Variants in MARCHF1 observed in about 807,000 individuals in gnomAD.
MARCHF1 encodes the protein membrane associated ring-CH-type finger 1.
Under a neutral mutation model 54.2 loss-of-function variants are expected in MARCHF1, and 40 were observed. The ratio of observed to expected loss-of-function variants is 0.74; its 90% confidence interval spans 0.57 to 0.96. MARCHF1 has a LOEUF of 0.96. Ranked by LOEUF, MARCHF1 falls within the 40% of genes least tolerant of loss-of-function variation. The pLI, the probability that MARCHF1 is intolerant of heterozygous loss-of-function variation, is 0.00. For synonymous variants in MARCHF1, 236 were observed against 236.3 expected (o/e 1.00, Z 0.01); for missense variants, 586 against 656.5 (o/e 0.89, Z 1.17).
At chr4:164,318,843 T>C (rs923667383) in intron 1 of MARCHF1, among the ~76,000 whole-genome samples, 1 of 152,212 alleles carries the variant, frequency 6.6e-6, no homozygotes, top group Admixed American at 6.5e-5. Flanking sequence ...AAATTGAATT[T>C]AATATGAGAA....
At chr4:163,924,246 T>A (rs1751492234) in intron 3 of MARCHF1, among the ~76,000 whole-genome samples, 1 of 152,056 alleles carries the variant, frequency 6.6e-6, no homozygotes, top group Non-Finnish European at 1.5e-5. Context: ...AGATCCTCTT[T>A]TAGAAAGTAA....
At chr4:164,087,543 C>T (rs367793177) in intron 2 of MARCHF1, among the ~76,000 whole-genome samples, 5 of 151,992 alleles carry the variant, frequency 3.3e-5, no homozygotes, top group Admixed American at 6.6e-5. Flanking sequence ...GAGTAGCCAT[C>T]GGTTAGGTTT....
At chr4:163,929,958 TATATAA>T (rs1320991201) in intron 3 of MARCHF1, among the ~76,000 whole-genome samples, 12,078 of 62,632 alleles carry the variant, frequency 0.19, 1,459 homozygotes, top group African/African-American at 0.4. Context: ...ATATATATTA[TATATAA>T]TATATATAAT....
At chr4:164,066,906 A>G (rs955223173) in intron 2 of MARCHF1, among the ~76,000 whole-genome samples, 1 of 152,156 alleles carries the variant, frequency 6.6e-6, no homozygotes, top group Non-Finnish European at 1.5e-5. Flanking sequence ...ATCAGGAAAA[A>G]CAACTAATGG....
intron 4 of MARCHF1, among the ~76,000 whole-genome samples, chr4:163,756,444 C>T (rs371705961): frequency 4.1e-4 from 62 of 151,374 alleles, no homozygotes; most frequent in Admixed American, 1.6e-3. Flanking sequence ...CTGGCCAACA[C>T]GGTGAAACCC....
At chr4:163,747,002 A>T (rs1746382406) in intron 4 of MARCHF1, among the ~76,000 whole-genome samples, 1 of 152,206 alleles carries the variant, frequency 6.6e-6, no homozygotes, top group Non-Finnish European at 1.5e-5. Flanking sequence ...CTTGATCAGC[A>T]GTTTCTAGTA....
rs564989404 is a variant in MARCHF1, at chr4:164,325,990, T to C, written c.-323+57880A>G. On this transcript the variant is annotated intron_variant, in intron 1 of 9. Transcript: ENST00000514618. ...GCTGCAGTTCACTATTGTACATTTT[T>C]ATGTCGATTCCAAAACTTTCAATTT... Among the ~76,000 whole-genome samples, 23 of 152,326 alleles carry C rather than the reference T, an allele frequency of 1.5e-4. No individual in the cohort carries two copies. In the South Asian group the frequency reaches 4.1e-3, roughly 27 times the overall value.
Position 163,888,042 on chromosome 4 carries a change from G to T in MARCHF1, c.-38-33873C>A, listed in dbSNP as rs557571028. 2.6e-5 allele frequency among the ~76,000 whole-genome samples: 4 copies of T among 152,282 alleles called. No homozygotes were observed. The South Asian group carries it at 8.3e-4, about 32-fold the overall frequency. ...GATGTTACAAAAGGACTATAGGAAAGTACTGACTTAAAAATTGTGAAAATA... is the reference window on the plus strand; with the variant it reads ...GATGTTACAAAAGGACTATAGGAAATTACTGACTTAAAAATTGTGAAAATA... On this transcript the variant is annotated intron_variant, in intron 3 of 9. Coordinates refer to ENST00000514618, the MANE Select transcript of MARCHF1 (RefSeq NM_001394959.1).
intron 4 of MARCHF1, among the ~76,000 whole-genome samples, chr4:163,732,145 T>C (rs1039548297): frequency 1.3e-5 from 2 of 151,652 alleles, no homozygotes; most frequent in African/African-American, 4.8e-5. Context: ...ATAGAATTAA[T>C]ATATGATTAG....
intron 1 of MARCHF1, among the ~76,000 whole-genome samples, chr4:164,237,553 A>G (rs954530345): frequency 1.3e-5 from 2 of 152,130 alleles, no homozygotes; most frequent in Admixed American, 1.3e-4. Context: ...GCACATATGC[A>G]CACACACAAG....
chr4:163,833,465 T>C (rs1749089073), intron 4 of MARCHF1, among the ~76,000 whole-genome samples: 1 of 151,970 alleles, frequency 6.6e-6, no homozygotes, highest in Non-Finnish European at 1.5e-5. Flanking sequence ...TGCAACCTAC[T>C]CATCTGACAA....
intron 2 of MARCHF1, among the ~76,000 whole-genome samples, chr4:164,031,480 C>A (rs1309850071): frequency 6.6e-6 from 1 of 151,316 alleles, no homozygotes; most frequent in Non-Finnish European, 1.5e-5. Flanking sequence ...TCATAAATAG[C>A]TCTTATTATT....
At chr4:163,906,186 C>G (rs1341662631) in intron 3 of MARCHF1, among the ~76,000 whole-genome samples, 2 of 152,004 alleles carry the variant, frequency 1.3e-5, no homozygotes, top group African/African-American at 4.8e-5. Flanking sequence ...GTTCCCTCCT[C>G]CACAGGAGGA....
At chr4:163,844,180 G>A (rs1346562936) in intron 4 of MARCHF1, among the ~76,000 whole-genome samples, 1 of 152,042 alleles carries the variant, frequency 6.6e-6, no homozygotes, top group Non-Finnish European at 1.5e-5. Flanking sequence ...ATACGTCCCT[G>A]TGTTCTCATC....
chr4:163,997,663 A>G (rs1409491233), intron 2 of MARCHF1, among the ~76,000 whole-genome samples: 1 of 152,006 alleles, frequency 6.6e-6, no homozygotes, highest in Non-Finnish European at 1.5e-5. Context: ...TTCCTTATAT[A>G]GAGAAACCTT....
intron 4 of MARCHF1, among the ~76,000 whole-genome samples, chr4:163,747,319 T>C (rs1197482988): frequency 5.9e-5 from 9 of 152,226 alleles, no homozygotes; most frequent in Admixed American, 5.9e-4. Context: ...CAAGCTGTAG[T>C]GACCCGAGGT....
chr4:164,340,677 C>T, intron 1 of MARCHF1, among the ~76,000 whole-genome samples: 1 of 151,752 alleles, frequency 6.6e-6, no homozygotes, highest in East Asian at 2.0e-4. Flanking sequence ...CCCACCTTGG[C>T]CTTTCAAAGT....
At chr4:163,631,931 T>C (rs990712406) in intron 5 of MARCHF1, among the ~76,000 whole-genome samples, 14 of 152,152 alleles carry the variant, frequency 9.2e-5, no homozygotes, top group Non-Finnish European at 1.5e-5. Flanking sequence ...GGCCAAAGGA[T>C]TGTATAGACA....
intron 4 of MARCHF1, among the ~76,000 whole-genome samples, chr4:163,791,133 C>T (rs1246431159): frequency 2.0e-5 from 3 of 152,040 alleles, no homozygotes; most frequent in African/African-American, 7.2e-5. Context: ...GGTAGGAGAA[C>T]ATTTACTCAG....
Sources: allele counts gnomAD v4.1 joint callset (sites outside exome capture counted in the v4.1 genomes callset), GRCh38; gene constraint gnomAD v4.1.1; transcripts MANE v1.5; gene names NCBI Gene and HGNC (gene_info 2026-07-23, HGNC 2026-07-21).